KCNN2: variants seen among roughly 807,000 people sequenced by gnomAD.
KCNN2 encodes potassium calcium-activated channel subfamily N member 2, also known as small conductance calcium-activated potassium channel protein 2.
A neutral mutation model predicts 55.5 loss-of-function variants in KCNN2; 24 were observed. The ratio of observed to expected loss-of-function variants is 0.43; its 90% CI spans 0.31 to 0.61. The LOEUF (loss-of-function observed/expected upper bound fraction) is 0.61. Among genes scored for constraint, KCNN2 ranks in the 20% least tolerant of loss-of-function variants. KCNN2 has a pLI of 0.08. For synonymous variants in KCNN2, 431 were observed against 336.1 expected (o/e 1.28, Z -3.09); for missense variants, 754 against 853.6 (o/e 0.88, Z 1.45).
intron 2 of KCNN2, among the ~76,000 whole-genome samples, chr5:114,375,621 C>G (rs1757906163): frequency 6.6e-6 from 1 of 151,984 alleles, no homozygotes; most frequent in African/African-American, 2.4e-5. Flanking sequence ...GCTTGAACCT[C>G]TTGGTAATGT....
At chr5:114,435,370 G>T (rs1759968012) in intron 3 of KCNN2, among the ~76,000 whole-genome samples, 1 of 152,148 alleles carries the variant, frequency 6.6e-6, no homozygotes, top group Admixed American at 6.5e-5. Context: ...CTAGATCTAA[G>T]AAAATTTGTT....
chr5:114,356,998 C>A (rs1489781447), intron 2 of KCNN2, among the ~76,000 whole-genome samples: 1 of 151,954 alleles, frequency 6.6e-6, no homozygotes, highest in African/African-American at 2.4e-5. Flanking sequence ...GCGTTTGGCA[C>A]CACCAAATAT....
chr5:114,229,156 A>T (rs1299619442), intron 2 of KCNN2, among the ~76,000 whole-genome samples: 1 of 151,914 alleles, frequency 6.6e-6, no homozygotes, highest in African/African-American at 2.4e-5. Context: ...GATATTTTCC[A>T]TTATGTTACT....
chr5:114,418,684 C>T (rs1379666436), intron 3 of KCNN2, among the ~76,000 whole-genome samples: 2 of 152,178 alleles, frequency 1.3e-5, no homozygotes, highest in African/African-American at 2.4e-5. Flanking sequence ...CCTAAAGCAG[C>T]ATTTCAACTT....
chr5:114,231,675 G>A (rs1754363164), intron 2 of KCNN2, among the ~76,000 whole-genome samples: 2 of 151,154 alleles, frequency 1.3e-5, no homozygotes, highest in South Asian at 4.1e-4. Context: ...TGTAAATTAA[G>A]TTTGCCAGTG....
intron 1 of KCNN2, among the ~76,000 whole-genome samples, chr5:114,168,166 G>T (rs1580582714): frequency 2.1e-5 from 3 of 139,564 alleles, no homozygotes; most frequent in Admixed American, 7.4e-5. Context: ...TATATATGTG[G>T]ATATATATAC....
At chr5:114,314,482 C>T (rs1220470588) in intron 2 of KCNN2, among the ~76,000 whole-genome samples, 1 of 152,046 alleles carries the variant, frequency 6.6e-6, no homozygotes, top group Non-Finnish European at 1.5e-5. Context: ...TTCCTCTTTT[C>T]CCCACCCTTA....
At chr5:114,428,150 G>T (rs1184714052) in intron 3 of KCNN2, among the ~76,000 whole-genome samples, 1 of 152,104 alleles carries the variant, frequency 6.6e-6, no homozygotes, top group Non-Finnish European at 1.5e-5. Flanking sequence ...TCAATGAAAA[G>T]TTTATAGCTC....
At chr5:114,295,726 G>A (rs1272044814) in intron 2 of KCNN2, among the ~76,000 whole-genome samples, 1 of 152,060 alleles carries the variant, frequency 6.6e-6, no homozygotes, top group Admixed American at 6.6e-5. Context: ...CCCACTGTCT[G>A]GCACTCCCTA....
At chr5:114,112,582 G>A (rs1250330061) in intron 1 of KCNN2, among the ~76,000 whole-genome samples, 1 of 151,958 alleles carries the variant, frequency 6.6e-6, no homozygotes, top group African/African-American at 2.4e-5. Flanking sequence ...GTGACTTTGG[G>A]CCTGAGATAC....
At chr5:114,099,367 T>C (rs1226573616) in intron 1 of KCNN2, among the ~76,000 whole-genome samples, 1 of 152,166 alleles carries the variant, frequency 6.6e-6, no homozygotes, top group South Asian at 2.1e-4. Flanking sequence ...ACCTCCTTTT[T>C]CATTTTGCAC....
intron 1 of KCNN2, among the ~76,000 whole-genome samples, chr5:114,174,701 T>G (rs1193951486): frequency 6.6e-6 from 1 of 152,178 alleles, no homozygotes. Context: ...ATTTCCCTTC[T>G]CGATAAAACA....
intron 3 of KCNN2, among the ~76,000 whole-genome samples, chr5:114,451,884 A>G (rs941287658): frequency 2.0e-5 from 3 of 151,280 alleles, no homozygotes; most frequent in Admixed American, 6.6e-5. Flanking sequence ...GTGACAGAGC[A>G]AGACACTGTC....
chr5:114,273,205 C>G lies in KCNN2; in HGVS notation c.-185+51640C>G, dbSNP rs1162336890. ...TCCATGTCCCTGCAAAGGACGTGAA[C>G]TCATCCTTTTTTATGGCTGCATAGT... On this transcript the variant is annotated intron_variant, in intron 2 of 10. Transcript: ENST00000512097. Among the ~76,000 whole-genome samples, 3 of 152,172 alleles carry G rather than the reference C, an allele frequency of 2.0e-5. No homozygotes were observed. In the East Asian group the frequency reaches 5.8e-4, roughly 29 times the overall value.
At chr5:114,224,672 C>T (rs1198595511) in intron 2 of KCNN2, among the ~76,000 whole-genome samples, 1 of 152,184 alleles carries the variant, frequency 6.6e-6, no homozygotes, top group Non-Finnish European at 1.5e-5. Context: ...GGTGAGGTTT[C>T]TGGAACATTG....
At chr5:114,444,743 G>C (rs1282877104) in intron 3 of KCNN2, among the ~76,000 whole-genome samples, 3 of 152,134 alleles carry the variant, frequency 2.0e-5, no homozygotes, top group Non-Finnish European at 4.4e-5. Flanking sequence ...ACTGATGAGA[G>C]AGCACCATTT....
chr5:114,063,561 G>A (rs1009263266), intron 1 of KCNN2, among the ~76,000 whole-genome samples: 1 of 152,118 alleles, frequency 6.6e-6, no homozygotes, highest in African/African-American at 2.4e-5. Context: ...GCAAGTCTGT[G>A]GAACATACTT....
intron 5 of KCNN2, among the ~76,000 whole-genome samples, chr5:114,474,016 G>A (rs114771771): frequency 7.2e-4 from 110 of 152,302 alleles, no homozygotes; most frequent in African/African-American, 2.6e-3. Context: ...TCATCTTGCT[G>A]TGTAACTACT....
chr5:114,344,218 C>A (rs1015922527), intron 2 of KCNN2, among the ~76,000 whole-genome samples: 9 of 152,104 alleles, frequency 5.9e-5, no homozygotes, highest in African/African-American at 2.2e-4. Flanking sequence ...AGTAAGGAGC[C>A]CAGTCACCAA....
Sources: gnomAD v4.1 joint callset for allele counts (sites outside exome capture counted in the v4.1 genomes callset) on GRCh38, gnomAD v4.1.1 for gene constraint, MANE v1.5 for transcripts, NCBI Gene and HGNC (gene_info 2026-07-23, HGNC 2026-07-21) for gene names.